The following DGKI variants were observed in gnomAD, a reference collection of about 807,000 sequenced individuals.
DGKI encodes the protein diacylglycerol kinase iota.
In DGKI, 55 loss-of-function variants were observed where a neutral mutation model predicts 147.5. The observed-to-expected ratio is 0.37, with a 90% confidence interval of 0.30 to 0.47. The LOEUF (loss-of-function observed/expected upper bound fraction) is 0.47. Ranked by LOEUF, DGKI falls within the 20% of genes least tolerant of loss-of-function variation. The probability of loss-of-function intolerance (pLI) is 1.00; values close to 1 mark genes in which losing one functional copy is unlikely to be tolerated. For missense variants in DGKI, 1,007 were observed against 1,323.8 expected, an observed-to-expected ratio of 0.76 and a Z score of 3.71; for synonymous variants, 469 against 477.1, an observed-to-expected ratio of 0.98 and a Z score of 0.22.
intron 1 of DGKI, among the ~76,000 whole-genome samples, chr7:137,737,572 G>A (rs551700060): frequency 1.1e-4 from 16 of 151,118 alleles, no homozygotes; most frequent in Non-Finnish European, 2.4e-4. Context: ...GATAGACTTC[G>A]GAATGGAACC....
rs756118914 is a variant in DGKI, at chr7:137,552,521, T to C, written c.1995A>G (p.Arg665=). The change falls in exon 20 of 33, where the codon CGA becomes CGG. Residue 665 remains arginine (R), a synonymous_variant. Transcript: ENST00000614521. ...ATTTGTAAGTTAGAAGCATGACTTC[T>C]CGACACTGGTGTAGCCTCTCTCCAT... is the stretch of plus-strand genomic sequence containing the variant. The part of the protein sequence containing the change: ...GGHGERLHQC[R]EVMLLTYKSI... The C allele has an allele frequency of 1.2e-6, 2 of 1,614,072 alleles. No homozygotes were observed. The highest frequency in any genetic ancestry group is 2.7e-5 in the African/African-American group (2 of 74,930).
At chr7:137,523,723 A>G (rs1031241753) in intron 20 of DGKI, among the ~76,000 whole-genome samples, 7 of 152,164 alleles carry the variant, frequency 4.6e-5, no homozygotes, top group African/African-American at 1.7e-4. Flanking sequence ...GGTATGGACA[A>G]ATAAAGCCGA....
At chr7:137,753,725 G>A (rs1795588326) in intron 1 of DGKI, among the ~76,000 whole-genome samples, 2 of 152,162 alleles carry the variant, frequency 1.3e-5, no homozygotes, top group Admixed American at 1.3e-4. Flanking sequence ...ATAGACAGGA[G>A]GGGTGATCTA....
At chr7:137,691,798 G>GGTTTTTTTTTTTT (rs1313820202) in intron 1 of DGKI, among the ~76,000 whole-genome samples, 9 of 95,816 alleles carry the variant, frequency 9.4e-5, no homozygotes, top group Non-Finnish European at 1.6e-4. Context: ...AGACCTTTGG[G>GGTTTTTTTTTTTT]TTTTTTTTTT....
chr7:137,690,127 C>A, intron 1 of DGKI, 125 bp from the exon 2 acceptor site: 1 of 638,854 alleles, frequency 1.6e-6, no homozygotes, highest in Non-Finnish European at 2.6e-6. Flanking sequence ...ATCTGAAAAT[C>A]TTTACCAAAG....
chr7:137,638,443 TACACAC>T (rs1181698990), intron 6 of DGKI, among the ~76,000 whole-genome samples: 3 of 127,584 alleles, frequency 2.4e-5, no homozygotes, highest in East Asian at 2.4e-4. Context: ...TATATATATA[TACACAC>T]ACACATATAT....
At chr7:137,819,145 T>C (rs921058213) in intron 1 of DGKI, among the ~76,000 whole-genome samples, 1 of 152,040 alleles carries the variant, frequency 6.6e-6, no homozygotes, top group African/African-American at 2.4e-5. Context: ...AACCTGGTGC[T>C]CCACTCCCTG....
At position 137,429,646 on chromosome 7, in the gene DGKI, C is replaced by A. The variant is rs1812979388; in HGVS notation, c.2761+14431G>T. On this transcript the variant is annotated intron_variant, in intron 28 of 32. Transcript: ENST00000614521. ...ACAAAATGGGAGAAAATTTTCACAA[C>A]CTACTCATCTGACAAAGGGCTAATA... 2.0e-5 allele frequency among the ~76,000 whole-genome samples: 3 copies of A among 151,754 alleles called. No individual in the cohort carries two copies. The South Asian group carries it at 6.3e-4, about 32-fold the overall frequency.
intron 21 of DGKI, 122 bp from the exon 22 acceptor site, chr7:137,487,811 C>A: frequency 1.2e-6 from 1 of 844,286 alleles, no homozygotes; most frequent in Non-Finnish European, 1.9e-6. Context: ...TAGATATGTC[C>A]GTAAAAAGAA....
intron 21 of DGKI, among the ~76,000 whole-genome samples, chr7:137,497,828 T>C (rs1816024112): frequency 6.6e-6 from 1 of 152,084 alleles, no homozygotes; most frequent in Non-Finnish European, 1.5e-5. Context: ...AGAAGGAACG[T>C]GACAATCAAA....
At position 137,843,196 on chromosome 7, in the gene DGKI, CT is replaced by C. The variant is rs1390371469; in HGVS notation, c.401+3265del. ...ATAGAAGACAATAAACATCAGCTAC[CT>C]TCTCCTTCCCCTCCCTTATGTGTTT... On this transcript the variant is annotated intron_variant, in intron 1 of 32. Transcript: ENST00000614521. 2.0e-5 allele frequency among the ~76,000 whole-genome samples: 3 copies of C among 151,930 alleles called. No homozygotes were observed. The East Asian group carries it at 5.8e-4, about 29-fold the overall frequency.
At chr7:137,428,998 A>G (rs1448579009) in intron 28 of DGKI, among the ~76,000 whole-genome samples, 1 of 151,878 alleles carries the variant, frequency 6.6e-6, no homozygotes, top group African/African-American at 2.4e-5. Context: ...TATAGATTCA[A>G]TGCCATCCCC....
At chr7:137,810,557 C>T (rs1443836146) in intron 1 of DGKI, among the ~76,000 whole-genome samples, 2 of 152,172 alleles carry the variant, frequency 1.3e-5, no homozygotes, top group Admixed American at 6.5e-5. Context: ...GACTATGGAT[C>T]ATTGTGTTAG....
At chr7:137,437,967 A>T (rs1480405454) in intron 28 of DGKI, among the ~76,000 whole-genome samples, 1 of 152,166 alleles carries the variant, frequency 6.6e-6, no homozygotes, top group Non-Finnish European at 1.5e-5. Flanking sequence ...CAAATATTAA[A>T]GAAAGCATTC....
At chr7:137,470,040 G>A (rs1043024388) in intron 23 of DGKI, among the ~76,000 whole-genome samples, 10 of 152,084 alleles carry the variant, frequency 6.6e-5, no homozygotes, top group South Asian at 2.1e-4. Context: ...CGGGACATAC[G>A]GTACGTGAGA....
At chr7:137,551,512 G>C (rs774050873) in intron 20 of DGKI, among the ~76,000 whole-genome samples, 9 of 152,174 alleles carry the variant, frequency 5.9e-5, no homozygotes, top group Admixed American at 1.3e-4. Context: ...CACTGTGATA[G>C]AGAATGACAA....
rs1390069368 is a variant in DGKI, at chr7:137,385,975, CAG to C, written c.*5243_*5244del. ...TATATCCTTAGTATGATGCCTGCCT[CAG>C]AGTGACAAATATTTTTCAAATAATG... On this transcript the variant is annotated 3_prime_UTR_variant, in exon 33 of 33. Coordinates refer to ENST00000614521, the MANE Select transcript of DGKI (RefSeq NM_001321708.2). The C allele has an allele frequency of 6.6e-6, 1 of 152,094 alleles. No individual in the cohort carries two copies. Among genetic ancestry groups the C allele is most frequent in the African/African-American group, 2.4e-5 (1 of 41,412 alleles). 9.4% of individuals were successfully genotyped at this position (152,094 alleles called of 1,614,324 possible). A position where few individuals can be genotyped will look rare whatever the true frequency, so the allele number is the denominator to read the frequency against.
intron 5 of DGKI, among the ~76,000 whole-genome samples, chr7:137,653,130 G>T (rs1822094392): frequency 6.6e-6 from 1 of 151,182 alleles, no homozygotes; most frequent in Non-Finnish European, 1.5e-5. Flanking sequence ...ATGTGTGTTT[G>T]TGTGTGTGTG....
chr7:137,447,401 T>C (rs1193953645), intron 27 of DGKI, among the ~76,000 whole-genome samples: 1 of 152,156 alleles, frequency 6.6e-6, no homozygotes. Flanking sequence ...AAAATATATA[T>C]GAGGCAAAGA....
Sources: allele counts gnomAD v4.1 joint callset (sites outside exome capture counted in the v4.1 genomes callset), GRCh38; gene constraint gnomAD v4.1.1; transcripts MANE v1.5; gene names NCBI Gene and HGNC (gene_info 2026-07-23, HGNC 2026-07-21).